The following DST variants were observed in gnomAD, a reference collection of about 807,000 sequenced individuals.
DST encodes the protein dystonin, also known as bullous pemphigoid antigen.
A neutral mutation model predicts 875.2 loss-of-function variants in DST; 253 were observed. That is an observed-to-expected ratio of 0.29 (90% CI 0.26 to 0.32). The LOEUF is 0.32. Ranked by LOEUF, DST falls within the 10% of genes least tolerant of loss-of-function variation. DST has a pLI of 1.00. For synonymous variants in DST, 3,124 were observed against 3,197.1 expected (o/e 0.98, Z 0.77); for missense variants, 8,287 against 9,111.6 (o/e 0.91, Z 3.68).
chr6:56,747,309 T>C (rs909561569), intron 4 of DST, among the ~76,000 whole-genome samples: 3 of 152,300 alleles, frequency 2.0e-5, no homozygotes, highest in South Asian at 4.1e-4. Flanking sequence ...TCTACCACTA[T>C]CTGCTCTCCC....
At chr6:56,562,887 C>T (rs2097563347) in intron 55 of DST, among the ~76,000 whole-genome samples, 1 of 152,126 alleles carries the variant, frequency 6.6e-6, no homozygotes, top group African/African-American at 2.4e-5. Flanking sequence ...TAGTTTCCAG[C>T]TTCATCCATA....
At chr6:56,670,582 C>T in intron 10 of DST, 59 bp downstream of exon 10, 1 of 1,086,328 alleles carries the variant, frequency 9.2e-7, no homozygotes, top group Non-Finnish European at 1.2e-6. Context: ...TTTTAAAATT[C>T]AGAGATGAAA....
Position 56,527,634 on chromosome 6 carries a change from C to G in DST, c.17781G>C (p.Gln5927His). The G allele has an allele frequency of 6.2e-7, 1 of 1,613,842 alleles. No homozygotes were observed. The highest frequency in any genetic ancestry group is 8.5e-7 in the Non-Finnish European group (1 of 1,179,846). Reference protein sequence around the residue: ...LSTDVAKTLEQALQLARRLHS... With the variant: ...LSTDVAKTLEHALQLARRLHS... ...GCAGCCGCCTTGCAAGCTGCAGCGC[C>G]TGTTCCAGAGTCTTGGCCACATCAG... is the stretch of plus-strand genomic sequence containing the variant. Residue 5927 changes from glutamine (Q) to histidine (H), a missense_variant, in exon 68 of 104, where the codon CAG (glutamine) becomes CAC (histidine). By Grantham distance (24) the Gln-to-His change is conservative (BLOSUM62 0). Around this residue, in one of 10 missense-constraint regions of DST, gnomAD observed 777 missense variants for 764.8 expected, o/e 1.02. Coordinates refer to ENST00000680361, the MANE Select transcript of DST (RefSeq NM_001374736.1).
chr6:56,943,779 T>G (rs1371514950), intron 2 of DST, among the ~76,000 whole-genome samples: 1 of 151,770 alleles, frequency 6.6e-6, no homozygotes, highest in African/African-American at 2.4e-5. Context: ...ATCCATGAAG[T>G]AAACACAGGG....
chr6:56,689,820 T>C (rs2099215571), intron 9 of DST, among the ~76,000 whole-genome samples: 1 of 152,128 alleles, frequency 6.6e-6, no homozygotes, highest in African/African-American at 2.4e-5. Flanking sequence ...TGAAAACAAC[T>C]ATCTTTGCCA....
intron 5 of DST, among the ~76,000 whole-genome samples, chr6:56,732,345 C>T (rs1264358081): frequency 6.6e-6 from 1 of 151,968 alleles, no homozygotes; most frequent in African/African-American, 2.4e-5. Flanking sequence ...TCAAGTATCG[C>T]TAATTTTGGT....
At chr6:56,660,573 T>C (rs557311606) in intron 10 of DST, among the ~76,000 whole-genome samples, 2 of 150,100 alleles carry the variant, frequency 1.3e-5, no homozygotes, top group Non-Finnish European at 2.9e-5. Flanking sequence ...ATGTCCTTAC[T>C]GTTCTTATTG....
intron 10 of DST, among the ~76,000 whole-genome samples, chr6:56,659,003 A>G (rs2099024854): frequency 6.6e-6 from 1 of 152,240 alleles, no homozygotes. Flanking sequence ...ACTCTCATGA[A>G]CGTCTTAAAG....
In DST at chr6:56,574,704, T is replaced by C. The variant is rs114035669; in HGVS notation, c.13028-817A>G. 9.4e-3 allele frequency among the ~76,000 whole-genome samples: 1,434 copies of C among 152,234 alleles called. 18 individuals carry two copies. Among genetic ancestry groups the C allele is most frequent in the African/African-American group, 0.03 (1,247 of 41,564 alleles). On this transcript the variant is annotated intron_variant, in intron 50 of 103. Coordinates refer to ENST00000680361, the MANE Select transcript of DST (RefSeq NM_001374736.1). ...TTGACTAAAGCCCTACATGTTAACA[T>C]CCTACATTCTATATTGTAGACCAAT...
chr6:56,931,090 T>A (rs1305937681), intron 2 of DST, among the ~76,000 whole-genome samples: 1 of 152,206 alleles, frequency 6.6e-6, no homozygotes, highest in African/African-American at 2.4e-5. Flanking sequence ...CCTAATTATA[T>A]CTAGCTGCAT....
Position 56,814,189 on chromosome 6 carries a change from T to C in DST, c.625+37208A>G, listed in dbSNP as rs920561429. On this transcript the variant is annotated intron_variant, in intron 4 of 103. Coordinates refer to ENST00000680361, the MANE Select transcript of DST (RefSeq NM_001374736.1). ...AATATAGGTTCGCATAATGAAGGCA[T>C]ATTTCTAAATTACTTCATTTTTAAA... Among the ~76,000 whole-genome samples the C allele has an allele frequency of 3.9e-5, 6 of 152,208 alleles. No individual in the cohort carries two copies. In the South Asian group the frequency reaches 6.2e-4, roughly 16 times the overall value.
chr6:56,752,086 T>C (rs2099588862), intron 4 of DST, among the ~76,000 whole-genome samples: 1 of 144,148 alleles, frequency 6.9e-6, no homozygotes, highest in Non-Finnish European at 1.5e-5. Context: ...AAACTATTCT[T>C]TTTTTTTTTT....
At chr6:56,690,790 A>G (rs2099223207) in intron 9 of DST, among the ~76,000 whole-genome samples, 1 of 152,242 alleles carries the variant, frequency 6.6e-6, no homozygotes, top group African/African-American at 2.4e-5. Flanking sequence ...AGTTCTGTGG[A>G]AGTTTCCAAC....
intron 95 of DST, among the ~76,000 whole-genome samples, 183 bp from the exon 96 acceptor site, chr6:56,470,465 CTTT>C: frequency 6.6e-6 from 1 of 152,054 alleles, no homozygotes; most frequent in East Asian, 1.9e-4. Flanking sequence ...CTTAATTTAT[CTTT>C]AATTACTATT....
intron 2 of DST, among the ~76,000 whole-genome samples, chr6:56,916,865 G>C (rs1296314607): frequency 1.3e-5 from 2 of 150,162 alleles, no homozygotes; most frequent in South Asian, 2.1e-4. Context: ...TTTTGGGCTG[G>C]AGTTCCAGGC....
chr6:56,467,906 G>C (rs888190713), intron 98 of DST, among the ~76,000 whole-genome samples: 1 of 152,060 alleles, frequency 6.6e-6, no homozygotes, highest in Non-Finnish European at 1.5e-5. Context: ...AATAAAAGAT[G>C]CTCTCCCATT....
chr6:56,598,561 C>T lies in DST; in HGVS notation c.11843G>A (p.Cys3948Tyr), dbSNP rs1179281392. 2.5e-6 allele frequency: 4 copies of T among 1,611,972 alleles called. No individual in the cohort carries two copies. The highest frequency in any genetic ancestry group is 1.7e-5 in the Admixed American group (1 of 59,944). Residue 3948 changes from cysteine to tyrosine, a missense_variant, in exon 46 of 104, where the codon TGT (cysteine) becomes TAT (tyrosine). Physicochemically the swap from Cys to Tyr is radical, Grantham distance 194 (BLOSUM62 -2). Coordinates refer to ENST00000680361, the MANE Select transcript of DST (RefSeq NM_001374736.1). ...TTCTGCTTTTAAATTAAGCTGTTCACACTTTATCTTAGCTTCATTAAGTTT... is the reference window on the plus strand; with the variant it reads ...TTCTGCTTTTAAATTAAGCTGTTCATACTTTATCTTAGCTTCATTAAGTTT... ...EQKLNEAKIK[C>Y]EQLNLKAEQS... is the part of the protein sequence containing the mutation.
chr6:56,937,788 G>T (rs1813794646), intron 2 of DST, among the ~76,000 whole-genome samples: 1 of 152,116 alleles, frequency 6.6e-6, no homozygotes, highest in African/African-American at 2.4e-5. Flanking sequence ...ATCAAGTATG[G>T]TATATTCACA....
Position 56,482,783 on chromosome 6 carries a change from G to C in DST, c.21302C>G (p.Ser7101Cys), listed in dbSNP as rs765904489. Residue 7101 changes from serine (S) to cysteine (C), a missense_variant, in exon 89 of 104, where the codon TCC (serine) becomes TGC (cysteine). Around this residue, in one of 10 missense-constraint regions of DST, gnomAD observed 1,292 missense variants for 1,552.7 expected, o/e 0.83. Coordinates refer to ENST00000680361, the MANE Select transcript of DST (RefSeq NM_001374736.1). Reference sequence around the variant, plus strand: ...TTCCTGCATCTGGACCTTGACCCAGGAGGAGTCATCCCGACTGCCTTCTAT... The same window carrying C: ...TTCCTGCATCTGGACCTTGACCCAGCAGGAGTCATCCCGACTGCCTTCTAT... The part of the protein sequence containing the change: ...ELIEGSRDDS[S>C]WVKVQMQELS... The C allele has an allele frequency of 7.4e-6, 12 of 1,613,736 alleles. No individual in the cohort carries two copies. Among genetic ancestry groups the C allele is most frequent in the Admixed American group, 1.7e-5 (1 of 59,998 alleles).
Sources: gnomAD v4.1 joint callset for allele counts (sites outside exome capture counted in the v4.1 genomes callset) on GRCh38, gnomAD v4.1.1 for gene constraint, gnomAD v4.1.1 regional missense constraint, MANE v1.5 for transcripts, NCBI Gene and HGNC (gene_info 2026-07-23, HGNC 2026-07-21) for gene names.